TRA2B: variants seen among roughly 807,000 people sequenced by gnomAD.
TRA2B encodes transformer 2 beta homolog.
TRA2B carries 14 observed loss-of-function variants against 41.7 expected under a neutral mutation model. The ratio of observed to expected loss-of-function variants is 0.34; its 90% CI spans 0.22 to 0.53. The LOEUF is 0.53. Ranked by LOEUF, TRA2B falls within the 20% of genes least tolerant of loss-of-function variation. TRA2B has a pLI of 0.95. For synonymous variants in TRA2B, 130 were observed against 128.8 expected, an observed-to-expected ratio of 1.01 and a Z score of -0.06; for missense variants, 167 against 396.8, an observed-to-expected ratio of 0.42 and a Z score of 4.92.
intron 1 of TRA2B, chr3:185,935,526 G>C: frequency 3.0e-6 from 3 of 985,430 alleles, no homozygotes; most frequent in Non-Finnish European, 3.6e-6. Context: ...TGGAAAAGGT[G>C]GGGCACAGAG....
intron 1 of TRA2B, chr3:185,936,256 A>G (rs1031937250): frequency 3.0e-6 from 3 of 985,400 alleles, no homozygotes; most frequent in South Asian, 9.4e-5. Context: ...CCAAACACCA[A>G]TGACTGTTAT....
At chr3:185,925,721 T>C in intron 2 of TRA2B, 95 bp from the exon 3 acceptor site, 1 of 1,267,660 alleles carries the variant, frequency 7.9e-7, no homozygotes, top group South Asian at 1.8e-5. Context: ...GAGGGAACAA[T>C]CCAGGAATAT....
Position 185,914,917 on chromosome 3 carries a change from ATGGTGT to A in TRA2B, c.*2792_*2797del, listed in dbSNP as rs2150109510. On this transcript the variant is annotated 3_prime_UTR_variant, in exon 9 of 9. Transcript: ENST00000453386. ...CCTTGCAGAATTGGAATCCTAGTCA[ATGGTGT>A]AAGAGGGCTAAGAGCTATTAGTTTT... 6.6e-6 allele frequency among the ~76,000 whole-genome samples: 1 copy of A among 152,286 alleles called. No homozygotes were observed. Among genetic ancestry groups the A allele is most frequent in the African/African-American group, 2.4e-5 (1 of 41,556 alleles).
Position 185,914,684 on chromosome 3 carries a change from G to A in TRA2B, c.*3031C>T, listed in dbSNP as rs937934188. On this transcript the variant is annotated 3_prime_UTR_variant, in exon 9 of 9. Coordinates refer to ENST00000453386, the MANE Select transcript of TRA2B (RefSeq NM_004593.3). ...GGCTTTTTGATGACATTTGGCATAA[G>A]CTAGCATTAAGTCCAATCCTACAAG... 1.3e-4 allele frequency among the ~76,000 whole-genome samples: 20 copies of A among 152,152 alleles called. No individual in the cohort carries two copies. Among genetic ancestry groups the A allele is most frequent in the Admixed American group, 6.5e-5 (1 of 15,286 alleles).
At chr3:185,918,690 A>G (rs931240595) in intron 7 of TRA2B, among the ~76,000 whole-genome samples, 1 of 152,148 alleles carries the variant, frequency 6.6e-6, no homozygotes, top group African/African-American at 2.4e-5. Context: ...AAATTTTGTG[A>G]ACTATGTTAA....
Position 185,915,393 on chromosome 3 carries a change from T to C in TRA2B, c.*2322A>G, listed in dbSNP as rs918214260. On this transcript the variant is annotated 3_prime_UTR_variant, in exon 9 of 9. Transcript: ENST00000453386. ...AGTCCCTTTGCCTTGAGGCAGTAAC[T>C]TTAAGACTCAAATTTATCCTTTCCC... is the stretch of plus-strand genomic sequence containing the variant. Among the ~76,000 whole-genome samples, 2 of 152,212 alleles carry C rather than the reference T, an allele frequency of 1.3e-5. No individual in the cohort carries two copies. Among genetic ancestry groups the C allele is most frequent in the African/African-American group, 4.8e-5 (2 of 41,458 alleles).
intron 1 of TRA2B, chr3:185,935,866 A>T: frequency 1.0e-6 from 1 of 985,384 alleles, no homozygotes; most frequent in Non-Finnish European, 1.2e-6. Context: ...AAGTTTAGAG[A>T]TCTCGGCCAG....
intron 1 of TRA2B, among the ~76,000 whole-genome samples, chr3:185,932,271 G>A (rs1744179442): frequency 6.6e-6 from 1 of 152,146 alleles, no homozygotes; most frequent in Non-Finnish European, 1.5e-5. Flanking sequence ...TTTGTACAAT[G>A]ACAAACGCTC....
At chr3:185,929,183 T>G (rs1001040024) in intron 1 of TRA2B, 3 of 152,228 alleles carry the variant, frequency 2.0e-5, no homozygotes, top group African/African-American at 4.8e-5. Flanking sequence ...TCAGGGATAT[T>G]TTCTTAAAGA....
At chr3:185,933,739 A>C (rs952180161) in intron 1 of TRA2B, among the ~76,000 whole-genome samples, 2 of 152,174 alleles carry the variant, frequency 1.3e-5, no homozygotes, top group South Asian at 2.1e-4. Flanking sequence ...CTGGAAAAAA[A>C]CATCATCTGA....
At chr3:185,922,733 T>C (rs890882893) in intron 4 of TRA2B, 6 of 152,324 alleles carry the variant, frequency 3.9e-5, no homozygotes, top group Admixed American at 3.3e-4. Flanking sequence ...TAGTTCCTTT[T>C]CCCAAAGTAT....
At chr3:185,930,495 C>T (rs984146905) in intron 1 of TRA2B, among the ~76,000 whole-genome samples, 1 of 152,132 alleles carries the variant, frequency 6.6e-6, no homozygotes, top group Non-Finnish European at 1.5e-5. Flanking sequence ...TCTCCAAGAG[C>T]ATGAAGACCT....
intron 1 of TRA2B, 107 bp downstream of exon 1, chr3:185,937,718 C>T: frequency 6.6e-7 from 1 of 1,511,600 alleles, no homozygotes; most frequent in Non-Finnish European, 9.1e-7. Flanking sequence ...CGGCTTCAGA[C>T]TTCGGAGCCT....
intron 1 of TRA2B, chr3:185,931,956 T>TAAA (rs34361789): frequency 2.6e-5 from 13 of 509,226 alleles, no homozygotes; most frequent in Non-Finnish European, 3.1e-5. Context: ...TGATTTGGAT[T>TAAA]AAAAAAAAAA....
Position 185,926,750 on chromosome 3 carries a change from A to G in TRA2B, c.37-16T>C, listed in dbSNP as rs756707587. The G allele has an allele frequency of 5.6e-6, 9 of 1,613,488 alleles. No homozygotes were observed. Among genetic ancestry groups the G allele is most frequent in the South Asian group, 1.1e-5 (1 of 91,038 alleles). ...AACGGGATTCCTACACGTAGATGTT[A>G]AAAGTTTAATTTGCACACTTTCTGG... On this transcript the variant is annotated splice_polypyrimidine_tract_variant and intron_variant, in intron 1 of 8. Coordinates refer to ENST00000453386, the MANE Select transcript of TRA2B (RefSeq NM_004593.3).
intron 3 of TRA2B, chr3:185,925,189 T>TGC (rs1743897068): frequency 3.7e-6 from 1 of 269,690 alleles, no homozygotes; most frequent in Non-Finnish European, 7.0e-6. Flanking sequence ...GTACTAATAC[T>TGC]ATACTACAGT....
At chr3:185,925,665 A>G (rs1407073628) in intron 2 of TRA2B, 39 bp from the exon 3 acceptor site, 1 of 1,581,050 alleles carries the variant, frequency 6.3e-7, no homozygotes, top group East Asian at 2.3e-5. Context: ...GACTGAAAAC[A>G]AATATTGTCT....
intron 1 of TRA2B, chr3:185,937,364 G>A (rs766869473): frequency 2.2e-4 from 217 of 996,242 alleles, no homozygotes; most frequent in Non-Finnish European, 2.5e-4. Context: ...ACCCCACCAC[G>A]CGGCCTTACG....
At chr3:185,934,839 G>C (rs1578488370) in intron 1 of TRA2B, 2 of 985,422 alleles carry the variant, frequency 2.0e-6, no homozygotes, top group Non-Finnish European at 2.4e-6. Flanking sequence ...TAAAGATTAC[G>C]TGCCTATGTT....
Sources: allele counts gnomAD v4.1 joint callset (sites outside exome capture counted in the v4.1 genomes callset), GRCh38; gene constraint gnomAD v4.1.1; transcripts MANE v1.5; gene names NCBI Gene and HGNC (gene_info 2026-07-23, HGNC 2026-07-21).